The following PTPRK variants were observed in gnomAD, a reference collection of about 807,000 sequenced individuals.
The protein encoded by PTPRK is receptor-type tyrosine-protein phosphatase kappa.
PTPRK carries 75 observed loss-of-function variants against 178.0 expected under a neutral mutation model. The ratio of observed to expected loss-of-function variants is 0.42; its 90% CI spans 0.35 to 0.51. The LOEUF (loss-of-function observed/expected upper bound fraction) is 0.51. Ranked by LOEUF, PTPRK falls within the 20% of genes least tolerant of loss-of-function variation. The probability of loss-of-function intolerance (pLI) is 0.02; values close to 1 mark genes in which losing one functional copy is unlikely to be tolerated. For synonymous variants in PTPRK, 637 were observed against 620.6 expected (o/e 1.03, Z -0.39); for missense variants, 1,441 against 1,797.8 (o/e 0.80, Z 3.59).
chr6:128,157,060 C>T (rs534301616), intron 7 of PTPRK, among the ~76,000 whole-genome samples: 3 of 151,948 alleles, frequency 2.0e-5, no homozygotes, highest in Non-Finnish European at 4.4e-5. Context: ...GGAATAAAAG[C>T]TCTGAAAACC....
At chr6:128,014,508 C>CATTTTAGGA (rs1779384607) in intron 13 of PTPRK, among the ~76,000 whole-genome samples, 1 of 151,470 alleles carries the variant, frequency 6.6e-6, no homozygotes, top group South Asian at 2.1e-4. Flanking sequence ...TACCAAGTAA[C>CATTTTAGGA]ATAATGGTGT....
At chr6:128,135,940 CTG>C (rs1041181220) in intron 7 of PTPRK, among the ~76,000 whole-genome samples, 4 of 152,074 alleles carry the variant, frequency 2.6e-5, no homozygotes, top group African/African-American at 9.7e-5. Flanking sequence ...ATGAGCTGAA[CTG>C]TGTCTCCCCA....
chr6:128,191,043 G>A (rs548341795), intron 6 of PTPRK, among the ~76,000 whole-genome samples: 13 of 151,928 alleles, frequency 8.6e-5, no homozygotes, highest in Non-Finnish European at 1.9e-4. Context: ...CCATGCCTAT[G>A]CTTACAATAT....
At chr6:128,502,286 T>C (rs1855672915) in intron 1 of PTPRK, among the ~76,000 whole-genome samples, 1 of 152,194 alleles carries the variant, frequency 6.6e-6, no homozygotes, top group Non-Finnish European at 1.5e-5. Context: ...CAATCCTGTA[T>C]AGTGGGGAAA....
At chr6:128,220,844 T>C in intron 5 of PTPRK, among the ~76,000 whole-genome samples, 1 of 152,202 alleles carries the variant, frequency 6.6e-6, no homozygotes, top group East Asian at 1.9e-4. Flanking sequence ...AGCAATGTAT[T>C]GGTAAAATTT....
At position 128,470,259 on chromosome 6, in the gene PTPRK, C is replaced by CATATATATATATATATATATATATATAT. The variant is rs34303350; in HGVS notation, c.100+49999_100+50000insATATATATATATATATATATATATATAT. Among the ~76,000 whole-genome samples, 41 of 147,794 alleles carry CATATATATATATATATATATATATATAT rather than the reference C, an allele frequency of 2.8e-4. 1 individual carries two copies. Among genetic ancestry groups the CATATATATATATATATATATATATATAT allele is most frequent in the African/African-American group, 9.5e-4 (38 of 39,980 alleles). ...TTATTCATCCTTGGGTCTCAGTTTT[C>CATATATATATATATATATATATATATAT]ATATATATATATATATATGAGTTTA... On this transcript the variant is annotated intron_variant, in intron 1 of 29. Transcript: ENST00000368226.
Position 128,475,532 on chromosome 6 carries a change from T to C in PTPRK, c.100+44727A>G, listed in dbSNP as rs1428839803. ...TCAGTACTGGAATATGCAGAAGACA[T>C]AGGTATGAGAGATTTTAAGGAGACA... is the stretch of plus-strand genomic sequence containing the variant. On this transcript the variant is annotated intron_variant, in intron 1 of 29. Coordinates refer to ENST00000368226, the MANE Select transcript of PTPRK (RefSeq NM_002844.4). 3.9e-5 allele frequency among the ~76,000 whole-genome samples: 6 copies of C among 152,002 alleles called. No individual in the cohort carries two copies. The East Asian group carries it at 5.8e-4, about 15-fold the overall frequency.
intron 7 of PTPRK, among the ~76,000 whole-genome samples, chr6:128,097,975 A>G (rs1282037704): frequency 6.6e-6 from 1 of 152,186 alleles, no homozygotes; most frequent in African/African-American, 2.4e-5. Context: ...GGAGCTGTAC[A>G]TAGCAAAGAC....
intron 7 of PTPRK, among the ~76,000 whole-genome samples, chr6:128,159,148 T>C (rs1257124170): frequency 6.6e-6 from 1 of 151,684 alleles, no homozygotes; most frequent in Admixed American, 6.6e-5. Context: ...AAATTCAGTA[T>C]AAAACAACAA....
At chr6:128,063,421 A>G (rs551664860) in intron 13 of PTPRK, 1 of 152,288 alleles carries the variant, frequency 6.6e-6, no homozygotes, top group South Asian at 2.1e-4. Context: ...ATGTTAGGGT[A>G]ATATATAGCT....
chr6:128,334,819 G>A (rs1264770054), intron 2 of PTPRK, among the ~76,000 whole-genome samples: 3 of 152,154 alleles, frequency 2.0e-5, no homozygotes, highest in African/African-American at 4.8e-5. Flanking sequence ...GGCCAAGCGC[G>A]GTGGCTCACG....
chr6:128,376,804 T>C (rs567998418), intron 2 of PTPRK, among the ~76,000 whole-genome samples: 9 of 152,192 alleles, frequency 5.9e-5, no homozygotes, highest in Non-Finnish European at 1.2e-4. Context: ...ATCACCTCTC[T>C]CAAGTTCAAA....
At chr6:128,129,220 TCTC>T (rs1227185489) in intron 7 of PTPRK, among the ~76,000 whole-genome samples, 3 of 152,180 alleles carry the variant, frequency 2.0e-5, no homozygotes, top group African/African-American at 4.8e-5. Flanking sequence ...AGCTCAATAA[TCTC>T]CTCAACTGAT....
At chr6:128,237,546 C>T (rs970855781) in intron 5 of PTPRK, among the ~76,000 whole-genome samples, 1 of 152,162 alleles carries the variant, frequency 6.6e-6, no homozygotes, top group Non-Finnish European at 1.5e-5. Context: ...AACGTAAAGA[C>T]CTAGTTTAGC....
intron 1 of PTPRK, among the ~76,000 whole-genome samples, chr6:128,433,825 TG>T: frequency 7.6e-6 from 1 of 132,280 alleles, no homozygotes; most frequent in East Asian, 2.2e-4. Flanking sequence ...CCTCTAACAC[TG>T]TTTTTTTTTT....
intron 18 of PTPRK, chr6:127,995,113 CAG>C: frequency 2.4e-6 from 2 of 818,534 alleles, no homozygotes; most frequent in Non-Finnish European, 3.8e-6. Flanking sequence ...AAAAAACGAA[CAG>C]AGATATATTG....
At position 128,492,630 on chromosome 6, in the gene PTPRK, C is replaced by T. The variant is rs946327179; in HGVS notation, c.100+27629G>A. ...GTATTTAATAAGTAAATACACTTGCCGCAGCACCTGGCATGAGGACAAGTT... is the reference window on the plus strand; with the variant it reads ...GTATTTAATAAGTAAATACACTTGCTGCAGCACCTGGCATGAGGACAAGTT... On this transcript the variant is annotated intron_variant, in intron 1 of 29. Coordinates refer to ENST00000368226, the MANE Select transcript of PTPRK (RefSeq NM_002844.4). Among the ~76,000 whole-genome samples, 8 of 152,070 alleles carry T rather than the reference C, an allele frequency of 5.3e-5. No homozygotes were observed. In the South Asian group the frequency reaches 1.2e-3, roughly 24 times the overall value.
chr6:128,175,094 G>A (rs1035325453), intron 7 of PTPRK, among the ~76,000 whole-genome samples: 4 of 151,836 alleles, frequency 2.6e-5, no homozygotes, highest in Non-Finnish European at 5.9e-5. Flanking sequence ...AATTTAGACA[G>A]AGTCTAGAAT....
chr6:128,082,982 TTTA>T (rs958902896), intron 9 of PTPRK, among the ~76,000 whole-genome samples: 12 of 152,218 alleles, frequency 7.9e-5, no homozygotes, highest in African/African-American at 2.6e-4. Flanking sequence ...TCAACAAATT[TTTA>T]TTATTATTAA....
Sources: gnomAD v4.1 joint callset for allele counts (sites outside exome capture counted in the v4.1 genomes callset) on GRCh38, gnomAD v4.1.1 for gene constraint, MANE v1.5 for transcripts, NCBI Gene and HGNC (gene_info 2026-07-23, HGNC 2026-07-21) for gene names.